ZNF613: variants seen among roughly 807,000 people sequenced by gnomAD.
The protein encoded by ZNF613 is zinc finger protein 613.
In ZNF613, 8 loss-of-function variants were observed where a neutral mutation model predicts 14.3. The observed-to-expected ratio is 0.56, with a 90% confidence interval of 0.33 to 1.01. The LOEUF (loss-of-function observed/expected upper bound fraction) is 1.01, where lower values mean the gene tolerates loss of function less well. ZNF613 is among the 50% of genes least tolerant of loss of function. ZNF613 has a pLI of 0.03. For synonymous variants in ZNF613, 228 were observed against 254.5 expected (o/e 0.90, Z 0.99); for missense variants, 656 against 741.9 (o/e 0.88, Z 1.35).
At chr19:51,929,147 A>G (rs1280272028) in intron 1 of ZNF613, among the ~76,000 whole-genome samples, 1 of 152,146 alleles carries the variant, frequency 6.6e-6, no homozygotes, top group Non-Finnish European at 1.5e-5. Flanking sequence ...CATTGGTATA[A>G]TTTGCCGTAT....
chr19:51,942,751 T>A (rs1224673302), intron 5 of ZNF613: 1 of 151,158 alleles, frequency 6.6e-6, no homozygotes, highest in East Asian at 2.0e-4. Flanking sequence ...CAGGCTGGAG[T>A]GCAGTGCTGT....
At chr19:51,934,928 G>A (rs935423246) in intron 2 of ZNF613, among the ~76,000 whole-genome samples, 1 of 152,190 alleles carries the variant, frequency 6.6e-6, no homozygotes, top group African/African-American at 2.4e-5. Flanking sequence ...AGAAAAGTGT[G>A]AAACATCTCT....
At position 51,945,667 on chromosome 19, in the gene ZNF613, A is replaced by T; in HGVS notation, c.1784A>T (p.Lys595Ile). The change falls in exon 6 of 6, where the codon AAA (lysine) becomes ATA (isoleucine). Residue 595 changes from lysine (K) to isoleucine (I), a missense_variant. Transcript: ENST00000293471. ...AACAGTGCGTTCCAAGCAGAGAGCA[A>T]AGTAGCCATTGTGAGCCAGCCTGTT... ...LTNSAFQAES[K>I]VAIVSQPVAR... 1 of 1,614,184 alleles carries T rather than the reference A, an allele frequency of 6.2e-7. No homozygotes were observed. The highest frequency in any genetic ancestry group is 8.5e-7 in the Non-Finnish European group (1 of 1,180,032).
rs754968510 is a variant in ZNF613 at position 51,940,218 on chromosome 19, A to G, written c.25A>G (p.Thr9Ala). 6.2e-7 allele frequency: 1 copy of G among 1,613,584 alleles called. No homozygotes were observed. The highest frequency in any genetic ancestry group is 8.5e-7 in the Non-Finnish European group (1 of 1,179,672). Residue 9 changes from threonine (T) to alanine (A), a missense_variant, in exon 4 of 6, where the codon ACC becomes GCC. Physicochemically the swap from Thr to Ala is moderately conservative, Grantham distance 58. Transcript: ENST00000293471. ...GACTCTCTTATTACAGGAATCACTG[A>G]CCCTGGAGGATGTGGCTGTGGAGTT... MIKSQESL[T>A]LEDVAVEFTW... is the part of the protein sequence containing the mutation.
Position 51,944,617 on chromosome 19 carries a change from C to G in ZNF613, c.734C>G (p.Ser245Cys). Residue 245 changes from serine to cysteine, a missense_variant, in exon 6 of 6, where the codon TCC becomes TGC. Ser to Cys is a moderately radical substitution (Grantham distance 112). Coordinates refer to ENST00000293471, the MANE Select transcript of ZNF613 (RefSeq NM_001031721.4). Reference protein sequence around the residue: ...SICGKAFSRKSGLTEHQRNHT... With the variant: ...SICGKAFSRKCGLTEHQRNHT... ...TGTGGGAAAGCCTTCTCCAGAAAGTCCGGGCTCACTGAACACCAGAGAAAC... is the reference window on the plus strand; with the variant it reads ...TGTGGGAAAGCCTTCTCCAGAAAGTGCGGGCTCACTGAACACCAGAGAAAC... 1 of 1,614,150 alleles carries G rather than the reference C, an allele frequency of 6.2e-7. No individual in the cohort carries two copies. Among genetic ancestry groups the G allele is most frequent in the Non-Finnish European group, 8.5e-7 (1 of 1,180,042 alleles).
intron 1 of ZNF613, 84 bp from the exon 2 acceptor site, chr19:51,929,648 A>C (rs2085248127): frequency 6.6e-6 from 1 of 152,136 alleles, no homozygotes; most frequent in South Asian, 2.1e-4. Flanking sequence ...TTTTATCATC[A>C]TTTTATTGTG....
rs374737988 is a variant in ZNF613, at chr19:51,945,034, A to G, written c.1151A>G (p.Lys384Arg). The change falls in exon 6 of 6, where the codon AAG becomes AGG. Residue 384 changes from lysine (K) to arginine (R), a missense_variant. Lys to Arg is a conservative substitution (Grantham distance 26). Coordinates refer to ENST00000293471, the MANE Select transcript of ZNF613 (RefSeq NM_001031721.4). ...CRDCGKGFIQ[K>R]GNLIVHQRIH... ...GATTGTGGAAAAGGCTTCATTCAGA[A>G]GGGAAATCTCATTGTACATCAGCGA... 35 of 1,614,250 alleles carry G rather than the reference A, an allele frequency of 2.2e-5. No homozygotes were observed. The South Asian group carries it at 3.2e-4, about 15-fold the overall frequency.
Position 51,945,186 on chromosome 19 carries a change from A to G in ZNF613, c.1303A>G (p.Lys435Glu), listed in dbSNP as rs199690466. The change falls in exon 6 of 6, where the codon AAA becomes GAA. Residue 435 changes from lysine (K) to glutamate (E), a missense_variant. Physicochemically the swap from Lys to Glu is moderately conservative, Grantham distance 56. Transcript: ENST00000293471. ...EKPYVCNECG[K>E]GFSQKTCLIS... Reference sequence around the variant, plus strand: ...ACCCTATGTATGCAATGAATGTGGGAAAGGCTTCAGCCAGAAGACATGTTT... The same window carrying G: ...ACCCTATGTATGCAATGAATGTGGGGAAGGCTTCAGCCAGAAGACATGTTT... 5.3e-5 allele frequency: 85 copies of G among 1,614,222 alleles called. No homozygotes were observed. The highest frequency in any genetic ancestry group is 6.9e-5 in the Non-Finnish European group (82 of 1,180,028).
intron 5 of ZNF613, among the ~76,000 whole-genome samples, chr19:51,942,024 GAGTCCC>G (rs1449166342): frequency 2.2e-4 from 33 of 152,302 alleles, no homozygotes; most frequent in African/African-American, 7.7e-4. Context: ...TGATGGCACT[GAGTCCC>G]AGTGAATCAT....
intron 4 of ZNF613, 84 bp downstream of exon 4, chr19:51,940,419 T>C: frequency 3.7e-6 from 6 of 1,604,916 alleles, no homozygotes; most frequent in Non-Finnish European, 4.3e-6. Flanking sequence ...CTGGAGGGCC[T>C]GTGGTGCTCT....
Position 51,940,723 on chromosome 19 carries a change from G to A in ZNF613, c.235+14G>A, listed in dbSNP as rs1260286539. ...AAATCTGTCCAGGTGAGTTCAGGGT[G>A]AGAGCCAGCAAGGAGGGTGGCTGAG... is the stretch of plus-strand genomic sequence containing the variant. On this transcript the variant is annotated intron_variant, in intron 5 of 5. Coordinates refer to ENST00000293471, the MANE Select transcript of ZNF613 (RefSeq NM_001031721.4). 3 of 1,604,488 alleles carry A rather than the reference G, an allele frequency of 1.9e-6. No individual in the cohort carries two copies. The highest frequency in any genetic ancestry group is 1.7e-4 in the Middle Eastern group (1 of 6,016).
chr19:51,944,402 T>A lies in ZNF613; in HGVS notation c.519T>A (p.His173Gln). ...SFLHAKHEQF[H>Q]NEMNFPEGGN... ...TTCATGCCAAGCATGAACAATTTCA[T>A]AATGAAATGAACTTCCCCGAAGGTG... The change falls in exon 6 of 6, where the codon CAT becomes CAA. Residue 173 changes from histidine to glutamine, a missense_variant. Transcript: ENST00000293471. The A allele has an allele frequency of 6.2e-7, 1 of 1,607,480 alleles. No individual in the cohort carries two copies. Among genetic ancestry groups the A allele is most frequent in the South Asian group, 1.1e-5 (1 of 90,696 alleles).
At chr19:51,933,388 C>A (rs2085282131) in intron 2 of ZNF613, among the ~76,000 whole-genome samples, 1 of 152,200 alleles carries the variant, frequency 6.6e-6, no homozygotes, top group Non-Finnish European at 1.5e-5. Context: ...AATTCCAAAA[C>A]AGGAAGGGGC....
At chr19:51,932,155 G>A in intron 2 of ZNF613, among the ~76,000 whole-genome samples, 1 of 152,058 alleles carries the variant, frequency 6.6e-6, no homozygotes, top group East Asian at 1.9e-4. Context: ...GCCAGGGAAT[G>A]GTGGCCCTCA....
chr19:51,932,560 G>T (rs8111392), intron 2 of ZNF613, among the ~76,000 whole-genome samples: 1 of 152,040 alleles, frequency 6.6e-6, no homozygotes, highest in Non-Finnish European at 1.5e-5. Context: ...GCCTCCCAAA[G>T]TCCTGGGATT....
At chr19:51,932,945 G>A (rs1468857998) in intron 2 of ZNF613, among the ~76,000 whole-genome samples, 1 of 152,126 alleles carries the variant, frequency 6.6e-6, no homozygotes, top group Non-Finnish European at 1.5e-5. Flanking sequence ...CTCCCAAAGT[G>A]CTAGGATTAC....
At chr19:51,938,804 A>G (rs1431524331) in intron 3 of ZNF613, among the ~76,000 whole-genome samples, 2 of 149,762 alleles carry the variant, frequency 1.3e-5, no homozygotes, top group Non-Finnish European at 3.0e-5. Flanking sequence ...TATACCGTAG[A>G]GCCTGGGCAT....
chr19:51,940,749 C>G (rs765159719), intron 5 of ZNF613, 40 bp downstream of exon 5: 4 of 1,545,530 alleles, frequency 2.6e-6, no homozygotes, highest in Non-Finnish European at 3.5e-6. Flanking sequence ...GGTGGCTGAG[C>G]AAGTCACATG....
chr19:51,944,163 C>A lies in ZNF613; in HGVS notation c.280C>A (p.Gln94Lys). ...TCATCTACAGATGCACTCACAAAAG[C>A]AAAGATGTCTGAAGAGAGTGGAACA... is the stretch of plus-strand genomic sequence containing the variant. ...DNHLQMHSQK[Q>K]RCLKRVEQCH... The change falls in exon 6 of 6, where the codon CAA becomes AAA. Residue 94 changes from glutamine to lysine, a missense_variant. By Grantham distance (53) the Gln-to-Lys change is moderately conservative. Coordinates refer to ENST00000293471, the MANE Select transcript of ZNF613 (RefSeq NM_001031721.4). 6.4e-7 allele frequency: 1 copy of A among 1,552,072 alleles called. No homozygotes were observed. Among genetic ancestry groups the A allele is most frequent in the Non-Finnish European group, 8.7e-7 (1 of 1,149,682 alleles).
Sources: gnomAD v4.1 joint callset for allele counts (sites outside exome capture counted in the v4.1 genomes callset) on GRCh38, gnomAD v4.1.1 for gene constraint, MANE v1.5 for transcripts, NCBI Gene and HGNC (gene_info 2026-07-23, HGNC 2026-07-21) for gene names.